Variants in NKAIN3 observed in about 807,000 individuals in gnomAD.
The protein encoded by NKAIN3 is sodium/potassium transporting ATPase interacting 3, also known as sodium/potassium-transporting ATPase subunit beta-1-interacting protein 3.
In NKAIN3, 25 loss-of-function variants were observed where a neutral mutation model predicts 30.2. That is an observed-to-expected ratio of 0.83 (90% CI 0.60 to 1.16). The LOEUF is 1.16. Ranked by LOEUF, NKAIN3 falls within the 50% of genes most tolerant of loss-of-function variation. The pLI is 0.00. For synonymous variants in NKAIN3, 91 were observed against 89.6 expected, an observed-to-expected ratio of 1.02 and a Z score of -0.09; for missense variants, 225 against 254.1, an observed-to-expected ratio of 0.89 and a Z score of 0.78.
chr8:62,754,657 G>A (rs765328297), intron 4 of NKAIN3, among the ~76,000 whole-genome samples: 9 of 152,062 alleles, frequency 5.9e-5, no homozygotes, highest in Non-Finnish European at 1.3e-4. Flanking sequence ...CTTTTGCATT[G>A]TATCTCTCTG....
At chr8:62,450,198 T>C (rs762346886) in intron 1 of NKAIN3, among the ~76,000 whole-genome samples, 5 of 152,164 alleles carry the variant, frequency 3.3e-5, no homozygotes, top group Non-Finnish European at 5.9e-5. Flanking sequence ...ATCTCCAACA[T>C]TTAAAGCATG....
chr8:62,626,973 C>G (rs1385084885), intron 3 of NKAIN3, among the ~76,000 whole-genome samples: 1 of 152,080 alleles, frequency 6.6e-6, no homozygotes, highest in Non-Finnish European at 1.5e-5. Context: ...GTATGATTTG[C>G]ACATGCTACA....
intron 1 of NKAIN3, among the ~76,000 whole-genome samples, chr8:62,362,684 G>A (rs758344340): frequency 2.0e-5 from 3 of 152,292 alleles, no homozygotes; most frequent in Admixed American, 2.0e-4. Flanking sequence ...AAAAACTTCA[G>A]CCGAATTAAA....
chr8:62,702,473 T>C (rs11990729), intron 3 of NKAIN3, among the ~76,000 whole-genome samples: 8,561 of 152,286 alleles, frequency 0.056, 472 homozygotes, highest in African/African-American at 0.14. Flanking sequence ...AAGTTAGATT[T>C]TTATGCACAT....
At chr8:62,529,235 C>T (rs886854327) in intron 1 of NKAIN3, among the ~76,000 whole-genome samples, 1 of 152,160 alleles carries the variant, frequency 6.6e-6, no homozygotes, top group African/African-American at 2.4e-5. Flanking sequence ...GATAACTTGA[C>T]ATTTCTTTAA....
chr8:62,276,491 G>C (rs1812967427), intron 1 of NKAIN3, among the ~76,000 whole-genome samples: 1 of 152,186 alleles, frequency 6.6e-6, no homozygotes, highest in Non-Finnish European at 1.5e-5. Flanking sequence ...TTATTGTGCT[G>C]CTGATGATCT....
At chr8:62,882,564 C>T (rs1422315299) in intron 4 of NKAIN3, among the ~76,000 whole-genome samples, 1 of 152,096 alleles carries the variant, frequency 6.6e-6, no homozygotes, top group Non-Finnish European at 1.5e-5. Flanking sequence ...GTGATCTGCC[C>T]ACCTCGGTCT....
At chr8:62,300,445 A>G (rs1336014223) in intron 1 of NKAIN3, among the ~76,000 whole-genome samples, 2 of 152,114 alleles carry the variant, frequency 1.3e-5, no homozygotes, top group Admixed American at 6.6e-5. Flanking sequence ...AAAAACAGAG[A>G]CTTCTGTGAA....
intron 4 of NKAIN3, among the ~76,000 whole-genome samples, chr8:62,834,272 A>C (rs1022726135): frequency 6.6e-6 from 1 of 152,094 alleles, no homozygotes; most frequent in Non-Finnish European, 1.5e-5. Flanking sequence ...GAAGAAAACA[A>C]AAATGCCCAC....
chr8:62,852,470 C>T (rs1586269522), intron 4 of NKAIN3, among the ~76,000 whole-genome samples: 1 of 152,074 alleles, frequency 6.6e-6, no homozygotes, highest in Admixed American at 6.6e-5. Flanking sequence ...CTGCTCTGAT[C>T]TTAGTTATTT....
intron 1 of NKAIN3, among the ~76,000 whole-genome samples, chr8:62,273,466 C>T (rs1364239397): frequency 6.6e-6 from 1 of 152,114 alleles, no homozygotes; most frequent in African/African-American, 2.4e-5. Context: ...TTAAGATGGT[C>T]AGTGATACAA....
chr8:62,398,614 T>C (rs892097301), intron 1 of NKAIN3, among the ~76,000 whole-genome samples: 1 of 152,136 alleles, frequency 6.6e-6, no homozygotes, highest in Non-Finnish European at 1.5e-5. Context: ...CAAGCCTCAA[T>C]AGGGAGATTA....
intron 1 of NKAIN3, among the ~76,000 whole-genome samples, chr8:62,494,926 C>A (rs953906499): frequency 4.6e-5 from 7 of 151,716 alleles, no homozygotes; most frequent in African/African-American, 2.4e-5. Context: ...TAGCTAGCAC[C>A]CTATCAATCT....
At chr8:62,743,180 G>A (rs1815962022) in intron 3 of NKAIN3, among the ~76,000 whole-genome samples, 1 of 152,126 alleles carries the variant, frequency 6.6e-6, no homozygotes, top group Admixed American at 6.5e-5. Context: ...GTAACTAAAA[G>A]CTTCAACAAT....
At chr8:62,382,564 T>G (rs1446482109) in intron 1 of NKAIN3, among the ~76,000 whole-genome samples, 1 of 152,212 alleles carries the variant, frequency 6.6e-6, no homozygotes, top group Non-Finnish European at 1.5e-5. Context: ...CTTTCTTTAG[T>G]CCAGTAACCA....
chr8:62,265,160 G>T (rs1467261427), intron 1 of NKAIN3, among the ~76,000 whole-genome samples: 1 of 152,122 alleles, frequency 6.6e-6, no homozygotes, highest in African/African-American at 2.4e-5. Context: ...ACTGTCTACT[G>T]CCCAAATCAT....
At chr8:62,537,786 T>C (rs976066349) in intron 1 of NKAIN3, among the ~76,000 whole-genome samples, 1 of 152,128 alleles carries the variant, frequency 6.6e-6, no homozygotes, top group Non-Finnish European at 1.5e-5. Flanking sequence ...CCTCATCACA[T>C]GTAAAATGGA....
At chr8:62,461,093 C>A (rs1281063157) in intron 1 of NKAIN3, among the ~76,000 whole-genome samples, 2 of 152,172 alleles carry the variant, frequency 1.3e-5, no homozygotes, top group African/African-American at 4.8e-5. Flanking sequence ...TCTGCAGAAA[C>A]AGGAAGTGAA....
chr8:62,690,219 A>G (rs995746089), intron 3 of NKAIN3, among the ~76,000 whole-genome samples: 2 of 152,084 alleles, frequency 1.3e-5, no homozygotes, highest in Non-Finnish European at 2.9e-5. Flanking sequence ...CGCCTCACCC[A>G]GAAATGCCAT....
Sources: gnomAD v4.1 joint callset for allele counts (sites outside exome capture counted in the v4.1 genomes callset) on GRCh38, gnomAD v4.1.1 for gene constraint, MANE v1.5 for transcripts, NCBI Gene and HGNC (gene_info 2026-07-23, HGNC 2026-07-21) for gene names.